Variants in AGBL4 observed in about 807,000 individuals in gnomAD.
AGBL4 encodes cytosolic carboxypeptidase 6.
A neutral mutation model predicts 66.4 loss-of-function variants in AGBL4; 58 were observed. That is an observed-to-expected ratio of 0.87 (90% CI 0.71 to 1.09). The LOEUF is 1.09. Ranked by LOEUF, AGBL4 falls within the 50% of genes least tolerant of loss-of-function variation. The pLI is 0.00. For missense variants in AGBL4, 579 were observed against 631.0 expected, an observed-to-expected ratio of 0.92 and a Z score of 0.88; for synonymous variants, 234 against 222.9, an observed-to-expected ratio of 1.05 and a Z score of -0.44.
chr1:48,690,827 A>G (rs1646617818), intron 6 of AGBL4, among the ~76,000 whole-genome samples: 1 of 152,222 alleles, frequency 6.6e-6, no homozygotes, highest in Non-Finnish European at 1.5e-5. Context: ...ATTTTCTAAT[A>G]GCCCTCTTAA....
In AGBL4 at chr1:49,194,203, G is replaced by A. The variant is rs186965298; in HGVS notation, c.377+51567C>T. 1.8e-3 allele frequency among the ~76,000 whole-genome samples: 274 copies of A among 152,104 alleles called. 3 individuals are homozygous for A. Among genetic ancestry groups the A allele is most frequent in the Non-Finnish European group, 1.5e-3 (105 of 67,990 alleles). The stretch of plus-strand genomic sequence containing the variant: ...ATGAATCTGGGTGCTCCTGTACTAG[G>A]TGCATATATACTTAGGGTTGTTATA... On this transcript the variant is annotated intron_variant, in intron 4 of 13. Transcript: ENST00000371839.
At chr1:49,802,741 C>G (rs1170521721) in intron 2 of AGBL4, among the ~76,000 whole-genome samples, 3 of 152,160 alleles carry the variant, frequency 2.0e-5, no homozygotes, top group Admixed American at 6.5e-5. Flanking sequence ...CGGTGACCCC[C>G]CTGGACCCAG....
At chr1:49,864,889 C>T (rs753150953) in intron 1 of AGBL4, among the ~76,000 whole-genome samples, 1 of 152,308 alleles carries the variant, frequency 6.6e-6, no homozygotes, top group Non-Finnish European at 1.5e-5. Flanking sequence ...GCCATCACTG[C>T]AGCTCCAGTC....
chr1:49,487,692 G>T (rs1647098729), intron 3 of AGBL4, among the ~76,000 whole-genome samples: 1 of 151,902 alleles, frequency 6.6e-6, no homozygotes, highest in Admixed American at 6.6e-5. Context: ...AAATTACCCA[G>T]TGTTGAGTAT....
chr1:49,077,835 G>A (rs1163926586), intron 4 of AGBL4, among the ~76,000 whole-genome samples: 1 of 152,120 alleles, frequency 6.6e-6, no homozygotes, highest in African/African-American at 2.4e-5. Context: ...AGGGAGGAGG[G>A]AGGAGGAAAG....
chr1:49,842,003 C>T (rs773894626), intron 2 of AGBL4: 11 of 458,704 alleles, frequency 2.4e-5, no homozygotes, highest in Non-Finnish European at 4.4e-5. Context: ...TCACACCCGG[C>T]CTCCTCTTTG....
intron 3 of AGBL4, among the ~76,000 whole-genome samples, chr1:49,624,676 T>C (rs568850118): frequency 6.6e-6 from 1 of 152,234 alleles, no homozygotes; most frequent in East Asian, 1.9e-4. Flanking sequence ...CATCCACCTT[T>C]AAGCTATGAA....
chr1:48,820,461 T>C (rs1238473321), intron 6 of AGBL4, among the ~76,000 whole-genome samples: 1 of 152,190 alleles, frequency 6.6e-6, no homozygotes, highest in Non-Finnish European at 1.5e-5. Context: ...TAAACTATGC[T>C]TTATTGTTGA....
intron 3 of AGBL4, among the ~76,000 whole-genome samples, chr1:49,469,134 A>T (rs186293480): frequency 3.9e-5 from 6 of 151,948 alleles, no homozygotes; most frequent in Non-Finnish European, 8.8e-5. Context: ...TAACTGTTAC[A>T]ATGATGTGAC....
Position 48,973,269 on chromosome 1 carries a change from G to A in AGBL4, c.594+72315C>T, listed in dbSNP as rs577833356. On this transcript the variant is annotated intron_variant, in intron 5 of 13. Transcript: ENST00000371839. Reference sequence around the variant, plus strand: ...TTTGAATTAAGGCATGAAAAATAAAGTTATCTTTATAATATATTTGGATCT... The same window carrying A: ...TTTGAATTAAGGCATGAAAAATAAAATTATCTTTATAATATATTTGGATCT... Among the ~76,000 whole-genome samples, 14 of 152,132 alleles carry A rather than the reference G, an allele frequency of 9.2e-5. No individual in the cohort carries two copies. The East Asian group carries it at 2.7e-3, about 29-fold the overall frequency.
In AGBL4 at chr1:49,347,879, AC is replaced by A. The variant is rs576669659; in HGVS notation, c.283-102016del. 1.5e-3 allele frequency among the ~76,000 whole-genome samples: 223 copies of A among 152,054 alleles called. 4 individuals are homozygous for A. Among genetic ancestry groups the A allele is most frequent in the African/African-American group, 5.2e-3 (216 of 41,506 alleles). The stretch of plus-strand genomic sequence containing the variant: ...GTCTTAAAAAACAAAAACAGCAACA[AC>A]AAAAAAACTTGTTTTCTCTTTACTC... On this transcript the variant is annotated intron_variant, in intron 3 of 13. Coordinates refer to ENST00000371839, the MANE Select transcript of AGBL4 (RefSeq NM_032785.4).
At chr1:48,715,439 C>T (rs1007237863) in intron 6 of AGBL4, among the ~76,000 whole-genome samples, 3 of 152,152 alleles carry the variant, frequency 2.0e-5, no homozygotes, top group Admixed American at 6.5e-5. Flanking sequence ...CTGTGCTATG[C>T]GTTGGGATGC....
intron 6 of AGBL4, among the ~76,000 whole-genome samples, chr1:48,778,338 G>C (rs1645191199): frequency 1.3e-5 from 2 of 152,188 alleles, no homozygotes; most frequent in African/African-American, 4.8e-5. Flanking sequence ...ACCAGAACTT[G>C]AATCTCAGTT....
At chr1:49,184,360 C>T (rs1385384823) in intron 4 of AGBL4, among the ~76,000 whole-genome samples, 1 of 152,062 alleles carries the variant, frequency 6.6e-6, no homozygotes, top group Non-Finnish European at 1.5e-5. Flanking sequence ...ATAGGAAGAA[C>T]AATGCAAGAA....
chr1:49,122,508 T>C (rs1645678443), intron 4 of AGBL4, among the ~76,000 whole-genome samples: 1 of 152,208 alleles, frequency 6.6e-6, no homozygotes, highest in Non-Finnish European at 1.5e-5. Flanking sequence ...ACATTAATCT[T>C]GTACTGATTA....
At chr1:50,001,451 G>A (rs187509739) in intron 1 of AGBL4, among the ~76,000 whole-genome samples, 1 of 150,744 alleles carries the variant, frequency 6.6e-6, no homozygotes, top group Admixed American at 6.6e-5. Context: ...GTCTGTATAT[G>A]TGTGTGTGTC....
At chr1:48,524,826 G>A in the AGBL4 span, among the ~76,000 whole-genome samples, 218 of 150,700 alleles carry the variant, frequency 1.4e-3, 1 homozygote, top group African/African-American at 4.9e-3. Flanking sequence ...TTTACCTGTC[G>A]TAGTCTCTCC....
At chr1:49,406,367 T>C (rs1645197387) in intron 3 of AGBL4, among the ~76,000 whole-genome samples, 3 of 152,186 alleles carry the variant, frequency 2.0e-5, no homozygotes, top group Admixed American at 2.0e-4. Flanking sequence ...ATTTATTTCA[T>C]CAAAACCAAT....
intron 5 of AGBL4, among the ~76,000 whole-genome samples, chr1:48,990,511 T>C (rs1571174169): frequency 6.6e-6 from 1 of 152,184 alleles, no homozygotes; most frequent in Non-Finnish European, 1.5e-5. Flanking sequence ...AGTAGTTTCA[T>C]AGTTTGGGGT....
Sources: gnomAD v4.1 joint callset for allele counts (sites outside exome capture counted in the v4.1 genomes callset) on GRCh38, gnomAD v4.1.1 for gene constraint, MANE v1.5 for transcripts, NCBI Gene and HGNC (gene_info 2026-07-23, HGNC 2026-07-21) for gene names.